CDH22: variants seen among roughly 807,000 people sequenced by gnomAD.
The protein encoded by CDH22 is cadherin-22.
CDH22 carries 30 observed loss-of-function variants against 58.4 expected under a neutral mutation model. The observed-to-expected ratio is 0.51, with a 90% CI of 0.38 to 0.70. The LOEUF (loss-of-function observed/expected upper bound fraction) is 0.70, where lower values mean the gene tolerates loss of function less well. Ranked by LOEUF, CDH22 falls within the 30% of genes least tolerant of loss-of-function variation. CDH22 has a pLI of 0.00. For synonymous variants in CDH22, 513 were observed against 558.2 expected (o/e 0.92, Z 1.14); for missense variants, 1,014 against 1,233.9 (o/e 0.82, Z 2.67).
Position 46,241,203 on chromosome 20 carries a change from C to G in CDH22, c.310G>C (p.Glu104Gln). The G allele has an allele frequency of 6.2e-7, 1 of 1,613,794 alleles. No individual in the cohort carries two copies. Among genetic ancestry groups the G allele is most frequent in the Non-Finnish European group, 8.5e-7 (1 of 1,179,790 alleles). Residue 104 changes from glutamate (E) to glutamine (Q), a missense_variant, in exon 3 of 12, where the codon GAG (glutamate) becomes CAG (glutamine). Glu to Gln is a conservative substitution (Grantham distance 29, BLOSUM62 2). Around this residue, in one of 2 missense-constraint regions of CDH22, gnomAD observed 806 missense variants for 1,038.7 expected, o/e 0.78. Transcript: ENST00000537909. The surrounding 1 kb of genome is among the most constrained non-coding windows in gnomAD (Gnocchi z 5.2). ...DGAIKYTISG[E>Q]GAGTIFLIDE... Reference sequence around the variant, plus strand: ...ATCAGGAAGATGGTCCCAGCACCCTCGCCTGAGATGGTGTACTTGATGGCC... The same window carrying G: ...ATCAGGAAGATGGTCCCAGCACCCTGGCCTGAGATGGTGTACTTGATGGCC...
chr20:46,250,138 A>C (rs890629909), intron 2 of CDH22, among the ~76,000 whole-genome samples: 3 of 152,208 alleles, frequency 2.0e-5, no homozygotes, highest in Admixed American at 6.5e-5. Flanking sequence ...TCAGCTCCTT[A>C]TATGCCTATG....
intron 4 of CDH22, among the ~76,000 whole-genome samples, chr20:46,221,458 G>A (rs187828551): frequency 1.1e-4 from 16 of 152,186 alleles, no homozygotes; most frequent in African/African-American, 2.6e-4. Flanking sequence ...CTTGGCTGTC[G>A]GCGGGGACAC....
chr20:46,307,632 G>A (rs1156241964), intron 1 of CDH22, among the ~76,000 whole-genome samples: 1 of 152,100 alleles, frequency 6.6e-6, no homozygotes. Flanking sequence ...GGTCCCTGTG[G>A]GCCGCCTCCC....
chr20:46,266,646 C>T (rs1006896289), intron 1 of CDH22, among the ~76,000 whole-genome samples: 5 of 152,176 alleles, frequency 3.3e-5, no homozygotes, highest in Non-Finnish European at 5.9e-5. Flanking sequence ...CTTTGTGGTA[C>T]GGGAGAAAGC....
At chr20:46,236,412 G>A (rs568952242) in intron 3 of CDH22, among the ~76,000 whole-genome samples, 10 of 149,082 alleles carry the variant, frequency 6.7e-5, no homozygotes, top group African/African-American at 2.0e-4. Flanking sequence ...AACACTCCCC[G>A]CAAATTGCTC....
At chr20:46,207,633 C>CA (rs1420177943) in intron 7 of CDH22, among the ~76,000 whole-genome samples, 2 of 152,216 alleles carry the variant, frequency 1.3e-5, no homozygotes, top group Non-Finnish European at 2.9e-5. Context: ...GGCTTCAGGA[C>CA]AGAGTCTGAG....
chr20:46,217,357 C>T (rs911186835), intron 4 of CDH22, among the ~76,000 whole-genome samples: 1 of 152,204 alleles, frequency 6.6e-6, no homozygotes, highest in African/African-American at 2.4e-5. Context: ...TACACTTCTA[C>T]AGATACATTC....
At chr20:46,254,780 T>C (rs1166386313) in intron 1 of CDH22, among the ~76,000 whole-genome samples, 2 of 151,814 alleles carry the variant, frequency 1.3e-5, no homozygotes, top group African/African-American at 4.8e-5. Context: ...TCAGAGGAGG[T>C]GGCATTGGGC....
chr20:46,182,160 T>C (rs113678849), intron 10 of CDH22, among the ~76,000 whole-genome samples: 2,150 of 152,196 alleles, frequency 0.014, 50 homozygotes, highest in African/African-American at 0.05. Context: ...AGGCCATTGA[T>C]TGGTGGGCTT....
chr20:46,210,537 G>A lies in CDH22; in HGVS notation c.1056C>T (p.Pro352=), dbSNP rs1439104176. The change falls in exon 7 of 12, where the codon CCC becomes CCT. Residue 352 remains proline, a synonymous_variant. Transcript: ENST00000537909. This position sits in a 1 kb window ranked among gnomAD's most constrained non-coding sequence, Gnocchi z 4.5. ...VQKRLDFESQ[P]VHTVILEALN... is the part of the protein sequence containing the mutation. ...GGGCCTCCAGGATCACGGTGTGCAC[G>A]GGCTGGGATTCGAAGTCCAGGCGCT... The A allele has an allele frequency of 3.5e-6, 5 of 1,429,450 alleles. No individual in the cohort carries two copies. The highest frequency in any genetic ancestry group is 1.6e-5 in the South Asian group (1 of 63,156). The allele number at this position is 1,429,450 out of a possible 1,614,324, so 88.5% of individuals were successfully genotyped here.
intron 10 of CDH22, among the ~76,000 whole-genome samples, chr20:46,184,409 C>T (rs2085810446): frequency 6.6e-6 from 1 of 152,132 alleles, no homozygotes; most frequent in Admixed American, 6.6e-5. Context: ...TTATTTTTCA[C>T]TGTTTCATTG....
intron 4 of CDH22, among the ~76,000 whole-genome samples, chr20:46,226,521 A>G (rs2086176584): frequency 6.6e-6 from 1 of 151,830 alleles, no homozygotes; most frequent in South Asian, 2.1e-4. Context: ...GAACTCAAGC[A>G]ATCCTCCCAC....
intron 2 of CDH22, among the ~76,000 whole-genome samples, chr20:46,242,883 A>G (rs189369724): frequency 1.3e-5 from 2 of 152,314 alleles, no homozygotes; most frequent in African/African-American, 2.4e-5. Flanking sequence ...TCTAGGCACT[A>G]TTAGGCTCCA....
At chr20:46,212,914 G>A in intron 6 of CDH22, 81 bp downstream of exon 6, 5 of 1,132,372 alleles carry the variant, frequency 4.4e-6, no homozygotes, top group South Asian at 4.1e-5. Flanking sequence ...AGTGAGGTGG[G>A]GGTATTCGGC....
intron 10 of CDH22, among the ~76,000 whole-genome samples, chr20:46,178,537 T>G (rs1238380198): frequency 6.6e-6 from 1 of 150,676 alleles, no homozygotes; most frequent in Non-Finnish European, 1.5e-5. Context: ...TCCCCAGCTA[T>G]TCCCAGATTC....
chr20:46,240,700 C>T (rs909742443), intron 3 of CDH22, among the ~76,000 whole-genome samples: 35 of 152,042 alleles, frequency 2.3e-4, no homozygotes, highest in African/African-American at 8.0e-4. Context: ...TGAGCATGTC[C>T]GAGGGCATCA....
chr20:46,186,534 A>T, intron 10 of CDH22, 54 bp downstream of exon 10: 1 of 1,254,640 alleles, frequency 8.0e-7, no homozygotes, highest in East Asian at 2.3e-5. Flanking sequence ...ATATGGGAAC[A>T]GGGCAGGGAG....
chr20:46,268,342 C>T (rs1392935060), intron 1 of CDH22, among the ~76,000 whole-genome samples: 3 of 152,238 alleles, frequency 2.0e-5, no homozygotes, highest in Non-Finnish European at 2.9e-5. Flanking sequence ...TTGCTTAAAG[C>T]CTGGCGGCCA....
chr20:46,265,888 C>A (rs987716057), intron 1 of CDH22, among the ~76,000 whole-genome samples: 1 of 151,972 alleles, frequency 6.6e-6, no homozygotes, highest in Admixed American at 6.6e-5. Flanking sequence ...TGCCTGCCCC[C>A]TGTTGTTCTA....
Sources: gnomAD v4.1 joint callset for allele counts (sites outside exome capture counted in the v4.1 genomes callset) on GRCh38, gnomAD v4.1.1 for gene constraint, gnomAD v4.1.1 regional missense constraint, Gnocchi (gnomAD v3.1) non-coding constraint, MANE v1.5 for transcripts, NCBI Gene and HGNC (gene_info 2026-07-23, HGNC 2026-07-21) for gene names.